DSG2: variants seen among roughly 807,000 people sequenced by gnomAD.
DSG2 encodes desmoglein 2.
DSG2 carries 45 observed loss-of-function variants against 75.6 expected under a neutral mutation model. The observed-to-expected ratio is 0.60, with a 90% confidence interval of 0.47 to 0.76. DSG2 has a LOEUF of 0.76. Ranked by LOEUF, DSG2 falls within the 30% of genes least tolerant of loss-of-function variation. The pLI, the probability that DSG2 is intolerant of heterozygous loss-of-function variation, is 0.00. For synonymous variants in DSG2, 429 were observed against 483.9 expected (o/e 0.89, Z 1.49); for missense variants, 1,267 against 1,357.4 (o/e 0.93, Z 1.05).
intron 13 of DSG2, among the ~76,000 whole-genome samples, chr18:31,541,717 A>G (rs936790935): frequency 6.6e-6 from 1 of 152,152 alleles, no homozygotes; most frequent in African/African-American, 2.4e-5. Context: ...GCAAAACCCC[A>G]TTTCCCAACT....
At chr18:31,520,005 T>G in intron 3 of DSG2, 68 bp downstream of exon 3, 2 of 1,593,220 alleles carry the variant, frequency 1.3e-6, no homozygotes, top group Non-Finnish European at 1.7e-6. Context: ...GACTTTTATG[T>G]CTACTTTAAG....
chr18:31,521,214 T>A lies in DSG2; in HGVS notation c.494T>A (p.Val165Asp). 1 of 1,613,794 alleles carries A rather than the reference T, an allele frequency of 6.2e-7. No homozygotes were observed. Among genetic ancestry groups the A allele is most frequent in the African/African-American group, 1.3e-5 (1 of 74,972 alleles). The change falls in exon 5 of 15, where the codon GTT becomes GAT. Residue 165 changes from valine to aspartate, a missense_variant. Coordinates refer to ENST00000261590, the MANE Select transcript of DSG2 (RefSeq NM_001943.5). ...CCAGTGTTCACACAGGATGTCTTTG[T>A]TGGGTCTGTTGAAGAGTTGAGTGCA... is the stretch of plus-strand genomic sequence containing the variant. ...NEPVFTQDVF[V>D]GSVEELSAAH...
At chr18:31,526,138 C>T (rs1343843655) in intron 8 of DSG2, among the ~76,000 whole-genome samples, 4 of 152,050 alleles carry the variant, frequency 2.6e-5, no homozygotes, top group Admixed American at 1.3e-4. Flanking sequence ...AGTGAGATTC[C>T]GTCTCAAGAA....
In DSG2 at chr18:31,531,216, C is replaced by A. The variant is rs564135334; in HGVS notation, c.1244C>A (p.Ala415Asp). The part of the protein sequence containing the change: ...SKGQIIGNFQ[A>D]FDEDTGLPAH... ...GGCCAAATAATTGGAAATTTTCAAG[C>A]TTTTGATGAGGACACTGGACTACCA... Residue 415 changes from alanine to aspartate, a missense_variant, in exon 9 of 15, where the codon GCT becomes GAT. Physicochemically the swap from Ala to Asp is moderately radical, Grantham distance 126. Transcript: ENST00000261590. 1 of 1,614,158 alleles carries A rather than the reference C, an allele frequency of 6.2e-7. No homozygotes were observed. The highest frequency in any genetic ancestry group is 1.3e-5 in the African/African-American group (1 of 75,050).
chr18:31,518,686 A>G (rs1204843450), intron 2 of DSG2, among the ~76,000 whole-genome samples: 1 of 152,042 alleles, frequency 6.6e-6, no homozygotes, highest in Admixed American at 6.6e-5. Context: ...TAAATGAAAA[A>G]GTAATTTCAA....
At position 31,531,035 on chromosome 18, in the gene DSG2, G is replaced by A. The variant is rs201046640; in HGVS notation, c.1063G>A (p.Ala355Thr). 59 of 1,613,854 alleles carry A rather than the reference G, an allele frequency of 3.7e-5. No individual in the cohort carries two copies. The highest frequency in any genetic ancestry group is 6.7e-5 in the East Asian group (3 of 44,872). Residue 355 changes from alanine to threonine, a missense_variant, in exon 9 of 15, where the codon GCT becomes ACT. Transcript: ENST00000261590. ...MKNLDFSVIV[A>T]NKAAFHKSIR... is the part of the protein sequence containing the mutation. ...GAATCTTGACTTCAGTGTTATTGTC[G>A]CTAATAAAGCAGCTTTTCACAAGTC...
chr18:31,519,225 A>G (rs2073112507), intron 2 of DSG2, among the ~76,000 whole-genome samples: 1 of 152,156 alleles, frequency 6.6e-6, no homozygotes, highest in Non-Finnish European at 1.5e-5. Flanking sequence ...AAACTTTTCA[A>G]ACTCTCACTC....
intron 13 of DSG2, among the ~76,000 whole-genome samples, chr18:31,541,875 G>T (rs575374814): frequency 6.6e-6 from 1 of 152,218 alleles, no homozygotes; most frequent in African/African-American, 2.4e-5. Flanking sequence ...TCCTAAAATG[G>T]GCATTCCAAG....
rs182005449 is a variant in DSG2 at position 31,548,630 on chromosome 18, T to G, written c.*1887T>G. Reference sequence around the variant, plus strand: ...CAGGTATATCACTAGTATATGAAAATGTAAATATCACTTGTGTACTCAAAC... The same window carrying G: ...CAGGTATATCACTAGTATATGAAAAGGTAAATATCACTTGTGTACTCAAAC... On this transcript the variant is annotated 3_prime_UTR_variant, in exon 15 of 15. Coordinates refer to ENST00000261590, the MANE Select transcript of DSG2 (RefSeq NM_001943.5). 29 of 152,344 alleles carry G rather than the reference T, an allele frequency of 1.9e-4. No homozygotes were observed. The highest frequency in any genetic ancestry group is 6.5e-4 in the African/African-American group (27 of 41,580). 9.4% of individuals were successfully genotyped at this position (152,344 alleles called of 1,614,324 possible). A position where few individuals can be genotyped will look rare whatever the true frequency, so the allele number is the denominator to read the frequency against.
At chr18:31,512,830 T>C (rs1284446254) in intron 1 of DSG2, among the ~76,000 whole-genome samples, 1 of 152,196 alleles carries the variant, frequency 6.6e-6, no homozygotes, top group Non-Finnish European at 1.5e-5. Context: ...ATTGCTCTTA[T>C]CAAAACCTGG....
intron 2 of DSG2, among the ~76,000 whole-genome samples, chr18:31,518,737 T>C (rs1304411332): frequency 6.7e-6 from 1 of 148,968 alleles, no homozygotes; most frequent in East Asian, 2.0e-4. Flanking sequence ...AAAAAAAAAA[T>C]CAATGACCTA....
intron 1 of DSG2, among the ~76,000 whole-genome samples, chr18:31,506,494 G>A (rs1425993085): frequency 6.6e-6 from 1 of 152,136 alleles, no homozygotes; most frequent in Non-Finnish European, 1.5e-5. Context: ...TTAGACCTTG[G>A]AATTGCCTGT....
At chr18:31,538,580 T>A (rs1442322182) in intron 11 of DSG2, among the ~76,000 whole-genome samples, 171 bp from the exon 12 acceptor site, 1 of 152,216 alleles carries the variant, frequency 6.6e-6, no homozygotes, top group Admixed American at 6.5e-5. Flanking sequence ...AACTGCATAT[T>A]CAGGGCCTAT....
chr18:31,505,957 A>G (rs532323303), intron 1 of DSG2, among the ~76,000 whole-genome samples: 1 of 152,284 alleles, frequency 6.6e-6, no homozygotes, highest in East Asian at 1.9e-4. Context: ...CTGGCCGAGT[A>G]GTAAATTTTT....
chr18:31,528,337 T>C (rs1475310706), intron 8 of DSG2, among the ~76,000 whole-genome samples: 1 of 152,194 alleles, frequency 6.6e-6, no homozygotes, highest in Non-Finnish European at 1.5e-5. Flanking sequence ...GAATGTGGTG[T>C]ATTCATATGA....
chr18:31,545,919 A>C lies in DSG2; in HGVS notation c.2533A>C (p.Ile845Leu). The change falls in exon 15 of 15, where the codon ATA becomes CTA. Residue 845 changes from isoleucine to leucine, a missense_variant. Physicochemically the swap from Ile to Leu is conservative, Grantham distance 5. Coordinates refer to ENST00000261590, the MANE Select transcript of DSG2 (RefSeq NM_001943.5). ...TLAEVCLGQK[I>L]DINKEIEQRQ... ...AGCTGAAGTTTGCCTGGGTCAAAAA[A>C]TAGATATAAATAAGGAAATTGAGCA... 6.2e-7 allele frequency: 1 copy of C among 1,614,216 alleles called. No homozygotes were observed. Among genetic ancestry groups the C allele is most frequent in the Non-Finnish European group, 8.5e-7 (1 of 1,180,042 alleles).
At chr18:31,541,958 C>T (rs2073271010) in intron 13 of DSG2, among the ~76,000 whole-genome samples, 1 of 151,880 alleles carries the variant, frequency 6.6e-6, no homozygotes, top group South Asian at 2.1e-4. Context: ...GGTTGAGTTC[C>T]ATTCCCACAC....
intron 6 of DSG2, among the ~76,000 whole-genome samples, chr18:31,523,176 C>G (rs1473902777): frequency 6.6e-6 from 1 of 151,916 alleles, no homozygotes; most frequent in African/African-American, 2.4e-5. Flanking sequence ...CTGAGGCGGG[C>G]AGATCACAAG....
At chr18:31,520,601 T>C (rs1396411478) in intron 3 of DSG2, among the ~76,000 whole-genome samples, 1 of 152,220 alleles carries the variant, frequency 6.6e-6, no homozygotes, top group African/African-American at 2.4e-5. Flanking sequence ...AATCTGCTGC[T>C]TCTCTTCAAC....
Sources: allele counts gnomAD v4.1 joint callset (sites outside exome capture counted in the v4.1 genomes callset), GRCh38; gene constraint gnomAD v4.1.1; transcripts MANE v1.5; gene names NCBI Gene and HGNC (gene_info 2026-07-23, HGNC 2026-07-21).